BAZ1A: variants seen among roughly 807,000 people sequenced by gnomAD.
BAZ1A encodes bromodomain adjacent to zinc finger domain protein 1A.
In BAZ1A, 50 loss-of-function variants were observed where a neutral mutation model predicts 185.2. The ratio of observed to expected loss-of-function variants is 0.27; its 90% confidence interval spans 0.22 to 0.34. The LOEUF (loss-of-function observed/expected upper bound fraction) is 0.34. BAZ1A is among the 10% of genes least tolerant of loss of function. BAZ1A has a pLI of 1.00. For missense variants in BAZ1A, 1,356 were observed against 1,839.9 expected (o/e 0.74, Z 4.81); for synonymous variants, 571 against 615.6 (o/e 0.93, Z 1.07).
chr14:34,803,741 A>T (rs1881706250), intron 6 of BAZ1A, among the ~76,000 whole-genome samples: 1 of 152,190 alleles, frequency 6.6e-6, no homozygotes, highest in Non-Finnish European at 1.5e-5. Flanking sequence ...CCAACTGCTG[A>T]ACATTTATTT....
In BAZ1A at chr14:34,787,363, A is replaced by AAAAGAAAGAAAAG. The variant is rs1555339666; in HGVS notation, c.1511-1143_1511-1142insCTTTTCTTTCTTT. ...CAAGACTCTGTCTCAAAAAAAAAAA[A>AAAAGAAAGAAAAG]AAAAAGAAAAGAAAACTTCCCAATC... On this transcript the variant is annotated intron_variant, in intron 12 of 26. Transcript: ENST00000360310. Among the ~76,000 whole-genome samples, 80 of 112,822 alleles carry AAAAGAAAGAAAAG rather than the reference A, an allele frequency of 7.1e-4. 4 individuals are homozygous for AAAAGAAAGAAAAG. The highest frequency in any genetic ancestry group is 7.9e-4 in the Non-Finnish European group (45 of 56,798). The allele number at this position is 112,822 out of a possible 152,430, so 74.0% of individuals were successfully genotyped here. A position where few individuals can be genotyped will look rare whatever the true frequency, so the allele number is the denominator to read the frequency against.
rs112236492 is a variant in BAZ1A at position 34,812,437 on chromosome 14, A to G, written c.537-1401T>C. Among the ~76,000 whole-genome samples the G allele has an allele frequency of 3.2e-3, 495 of 152,314 alleles. 3 individuals carry two copies. The highest frequency in any genetic ancestry group is 0.011 in the African/African-American group (471 of 41,562). On this transcript the variant is annotated intron_variant, in intron 4 of 26. Transcript: ENST00000360310. ...AGACTTTGGATATTGAGTAGTCACT[A>G]GAGGATTTTTAATAATAAGGTGATA...
intron 24 of BAZ1A, among the ~76,000 whole-genome samples, chr14:34,759,242 G>A (rs995049352): frequency 2.3e-5 from 3 of 128,728 alleles, no homozygotes; most frequent in Admixed American, 1.0e-4. Flanking sequence ...GTGCAGTGTC[G>A]CGATCTTGGC....
At chr14:34,831,396 T>C (rs1040409987) in intron 3 of BAZ1A, among the ~76,000 whole-genome samples, 2 of 152,152 alleles carry the variant, frequency 1.3e-5, no homozygotes, top group African/African-American at 4.8e-5. Flanking sequence ...ATCTGTAAGA[T>C]AAAATTCTGG....
intron 17 of BAZ1A, among the ~76,000 whole-genome samples, chr14:34,777,003 A>AT (rs1198885133): frequency 2.0e-5 from 3 of 152,218 alleles, no homozygotes; most frequent in Non-Finnish European, 4.4e-5. Flanking sequence ...TAAGAAATCA[A>AT]TATACTTAAA....
chr14:34,795,266 ATAAT>A (rs1166683132), intron 10 of BAZ1A, among the ~76,000 whole-genome samples: 5 of 152,264 alleles, frequency 3.3e-5, no homozygotes, highest in African/African-American at 9.6e-5. Flanking sequence ...GATTTGGAAC[ATAAT>A]TAATCTACCA....
At chr14:34,754,614 A>G (rs1886162914) in intron 26 of BAZ1A, among the ~76,000 whole-genome samples, 1 of 152,160 alleles carries the variant, frequency 6.6e-6, no homozygotes, top group South Asian at 2.1e-4. Flanking sequence ...AAGTATCTTT[A>G]ACTTACTTGA....
At chr14:34,810,066 A>C (rs2041908703) in intron 5 of BAZ1A, among the ~76,000 whole-genome samples, 1 of 152,206 alleles carries the variant, frequency 6.6e-6, no homozygotes. Context: ...AAAGTGATAT[A>C]TCTATCTCAG....
intron 4 of BAZ1A, among the ~76,000 whole-genome samples, chr14:34,819,901 G>A (rs1272961933): frequency 6.6e-6 from 1 of 152,178 alleles, no homozygotes; most frequent in Non-Finnish European, 1.5e-5. Context: ...AATAAATGGA[G>A]TTCCTGTTGC....
At chr14:34,849,126 A>C (rs1566595788) in intron 3 of BAZ1A, among the ~76,000 whole-genome samples, 1 of 152,128 alleles carries the variant, frequency 6.6e-6, no homozygotes, top group Non-Finnish European at 1.5e-5. Context: ...GACTATCTAT[A>C]AACAATTTTT....
chr14:34,873,967 A>T (rs948600399), intron 2 of BAZ1A, among the ~76,000 whole-genome samples: 1 of 151,830 alleles, frequency 6.6e-6, no homozygotes, highest in Non-Finnish European at 1.5e-5. Context: ...CCCCTACCCC[A>T]GGCAGCTCCA....
intron 3 of BAZ1A, among the ~76,000 whole-genome samples, chr14:34,845,838 C>T (rs1386364954): frequency 3.6e-5 from 5 of 140,276 alleles, no homozygotes; most frequent in South Asian, 2.2e-4. Flanking sequence ...TACAGCCTGG[C>T]GACAGAGCAA....
chr14:34,828,314 A>T (rs2042192000), intron 3 of BAZ1A, among the ~76,000 whole-genome samples: 1 of 151,552 alleles, frequency 6.6e-6, no homozygotes, highest in African/African-American at 2.4e-5. Context: ...AAAAAAAAAA[A>T]ATACTCCTTA....
At chr14:34,764,958 T>C (rs1369927800) in intron 22 of BAZ1A, 25 bp from the exon 23 acceptor site, 3 of 1,613,548 alleles carry the variant, frequency 1.9e-6, no homozygotes, top group Non-Finnish European at 2.5e-6. Context: ...TAAATGATCA[T>C]TAATCATCTA....
At chr14:34,757,258 G>C (rs1013264904) in intron 25 of BAZ1A, among the ~76,000 whole-genome samples, 20 of 151,094 alleles carry the variant, frequency 1.3e-4, no homozygotes, top group Admixed American at 8.6e-4. Flanking sequence ...CCAGCTACTC[G>C]GGAGGCTGAG....
At chr14:34,872,532 T>C (rs2138848225) in intron 2 of BAZ1A, among the ~76,000 whole-genome samples, 1 of 152,056 alleles carries the variant, frequency 6.6e-6, no homozygotes, top group Non-Finnish European at 1.5e-5. Context: ...GCCCACGAGG[T>C]GGAGGCTGCA....
At chr14:34,810,458 G>A (rs1316852813) in intron 5 of BAZ1A, among the ~76,000 whole-genome samples, 1 of 152,130 alleles carries the variant, frequency 6.6e-6, no homozygotes, top group Non-Finnish European at 1.5e-5. Context: ...CTGATCAAAT[G>A]TTTGTCTAAT....
intron 3 of BAZ1A, among the ~76,000 whole-genome samples, chr14:34,845,975 C>T (rs1451949346): frequency 1.3e-5 from 2 of 152,058 alleles, no homozygotes; most frequent in African/African-American, 4.8e-5. Flanking sequence ...AGAAGAGCCT[C>T]TAATTCCTCA....
At chr14:34,758,596 C>CA (rs879029679) in intron 25 of BAZ1A, 108 bp downstream of exon 25, 192 of 1,165,694 alleles carry the variant, frequency 1.6e-4, no homozygotes, top group Non-Finnish European at 1.8e-4. Context: ...ACAACAACAA[C>CA]AAAAAAAACT....
Sources: gnomAD v4.1 joint callset for allele counts (sites outside exome capture counted in the v4.1 genomes callset) on GRCh38, gnomAD v4.1.1 for gene constraint, MANE v1.5 for transcripts, NCBI Gene and HGNC (gene_info 2026-07-23, HGNC 2026-07-21) for gene names.